The following ACAD11 variants were observed in gnomAD, a reference collection of about 807,000 sequenced individuals.
ACAD11 encodes acyl-CoA dehydrogenase family member 11, also known as acyl-Coenzyme A dehydrogenase family, member 11.
Under a neutral mutation model 102.2 loss-of-function variants are expected in ACAD11, and 83 were observed. The ratio of observed to expected loss-of-function variants is 0.81; its 90% confidence interval spans 0.68 to 0.97. The LOEUF (loss-of-function observed/expected upper bound fraction) is 0.97, where lower values mean the gene tolerates loss of function less well. Ranked by LOEUF, ACAD11 falls within the 50% of genes least tolerant of loss-of-function variation. The pLI is 0.00. For missense variants in ACAD11, 901 were observed against 951.7 expected (o/e 0.95, Z 0.70); for synonymous variants, 324 against 319.8 (o/e 1.01, Z -0.14).
At chr3:132,626,895 A>T in intron 8 of ACAD11, 78 bp from the exon 9 acceptor site, 1 of 1,421,106 alleles carries the variant, frequency 7.0e-7, no homozygotes. Context: ...ATATAATGTG[A>T]AGTTTCCTCA....
intron 7 of ACAD11, among the ~76,000 whole-genome samples, chr3:132,629,268 C>A (rs543467891): frequency 1.3e-5 from 2 of 152,326 alleles, no homozygotes; most frequent in East Asian, 3.9e-4. Context: ...AAGCAATTCT[C>A]CTGCCTCAGC....
At chr3:132,634,607 G>A (rs561955036) in intron 5 of ACAD11, among the ~76,000 whole-genome samples, 21 of 151,800 alleles carry the variant, frequency 1.4e-4, no homozygotes, top group Admixed American at 4.6e-4. Flanking sequence ...ACATGCACAC[G>A]TATGTTTATT....
intron 12 of ACAD11, among the ~76,000 whole-genome samples, chr3:132,604,050 A>AAT (rs1429844245): frequency 6.6e-6 from 1 of 152,176 alleles, no homozygotes; most frequent in Admixed American, 6.5e-5. Flanking sequence ...CTTTGTAGAC[A>AAT]ATACATCCTA....
rs750615740 is a variant in ACAD11, at chr3:132,630,540, T to A, written c.860A>T (p.Glu287Val). 6 of 1,610,516 alleles carry A rather than the reference T, an allele frequency of 3.7e-6. 1 individual carries two copies. The South Asian group carries it at 6.6e-5, about 18-fold the overall frequency. ...GCAGCGGCAATATATTGAAATCAGT[T>A]CTTCCATTGATGGTATCCCTATAAA... ...SENSGIPSMEELISIYCRCRG... is the reference protein window; with the variant it reads ...SENSGIPSMEVLISIYCRCRG... The change falls in exon 7 of 20, where the codon GAA (glutamate) becomes GTA (valine). Residue 287 changes from glutamate to valine, a missense_variant. Glu to Val is a moderately radical substitution (Grantham distance 121). Transcript: ENST00000264990.
intron 12 of ACAD11, 150 bp from the exon 13 acceptor site, chr3:132,603,477 C>A (rs939094871): frequency 3.2e-6 from 2 of 633,426 alleles, no homozygotes; most frequent in Non-Finnish European, 5.5e-6. Flanking sequence ...ATAACCTACA[C>A]ACAGTATTCA....
intron 16 of ACAD11, 101 bp downstream of exon 16, chr3:132,576,843 G>T: frequency 1.2e-6 from 1 of 833,170 alleles, no homozygotes; most frequent in Non-Finnish European, 1.9e-6. Context: ...TCTAAATCAA[G>T]GTAGACTTCA....
chr3:132,638,742 G>T (rs529124510), intron 5 of ACAD11, among the ~76,000 whole-genome samples: 1 of 152,242 alleles, frequency 6.6e-6, no homozygotes, highest in South Asian at 2.1e-4. Flanking sequence ...TAATTATCTA[G>T]ATTATAAATT....
chr3:132,566,233 C>T lies in ACAD11; in HGVS notation c.2002-5016G>A, dbSNP rs144755810. Among the ~76,000 whole-genome samples, 30 of 136,572 alleles carry T rather than the reference C, an allele frequency of 2.2e-4. No individual in the cohort carries two copies. The East Asian group carries it at 6.7e-3, about 30-fold the overall frequency. The allele number at this position is 136,572 out of a possible 152,430, so 89.6% of individuals were successfully genotyped here. On this transcript the variant is annotated intron_variant, in intron 17 of 19. Coordinates refer to ENST00000264990, the MANE Select transcript of ACAD11 (RefSeq NM_032169.5). The stretch of plus-strand genomic sequence containing the variant: ...AACAGAGGGGACAGAGGAAAAAAAT[C>T]AGTGAACTGGAAGATAGGACAATAG...
At chr3:132,586,921 C>T (rs1339138610) in intron 13 of ACAD11, among the ~76,000 whole-genome samples, 8 of 152,176 alleles carry the variant, frequency 5.3e-5, no homozygotes, top group African/African-American at 1.9e-4. Context: ...GGCGAAACCC[C>T]GTCTCTACTA....
chr3:132,566,296 C>CAAAAAAAAAAAAAAAAAAA (rs371477145), intron 17 of ACAD11, among the ~76,000 whole-genome samples: 13 of 61,840 alleles, frequency 2.1e-4, no homozygotes, highest in Admixed American at 3.5e-4. Context: ...AAAACAAACT[C>CAAAAAAAAAAAAAAAAAAA]AAAAAAACAA....
At chr3:132,642,268 C>T (rs1412231356) in intron 3 of ACAD11, 135 bp from the exon 4 acceptor site, 5 of 814,732 alleles carry the variant, frequency 6.1e-6, no homozygotes, top group Non-Finnish European at 9.2e-6. Context: ...AAGGATATGC[C>T]AAGATGAATA....
intron 11 of ACAD11, among the ~76,000 whole-genome samples, chr3:132,610,367 A>C (rs1939079998): frequency 6.6e-6 from 1 of 152,214 alleles, no homozygotes; most frequent in African/African-American, 2.4e-5. Flanking sequence ...AGAAATAACT[A>C]AGATCAGAGC....
chr3:132,649,064 G>A (rs1172483891), intron 1 of ACAD11, among the ~76,000 whole-genome samples: 2 of 152,230 alleles, frequency 1.3e-5, no homozygotes, highest in Admixed American at 6.5e-5. Flanking sequence ...CTCCAGTCTC[G>A]ATAAACCAGG....
intron 7 of ACAD11, among the ~76,000 whole-genome samples, chr3:132,629,605 T>G (rs1163129492): frequency 6.6e-6 from 1 of 152,212 alleles, no homozygotes; most frequent in African/African-American, 2.4e-5. Flanking sequence ...AACCCATTCT[T>G]TTAACATGAT....
In ACAD11 at chr3:132,642,726, C is replaced by T; in HGVS notation, c.326G>A (p.Ser109Asn). ...FPVPKPILYCSDTSVIGTEFY... is the reference protein window; with the variant it reads ...FPVPKPILYCNDTSVIGTEFY... ...TTCTGTTCCAATGACAGAAGTATCA[C>T]TGCAGTACAGTATAGGCTTGGGAAC... Residue 109 changes from serine to asparagine, a missense_variant, in exon 3 of 20, where the codon AGT (serine) becomes AAT (asparagine). By Grantham distance (46) the Ser-to-Asn change is conservative (BLOSUM62 1). Coordinates refer to ENST00000264990, the MANE Select transcript of ACAD11 (RefSeq NM_032169.5). The T allele has an allele frequency of 6.2e-7, 1 of 1,613,256 alleles. No individual in the cohort carries two copies. The highest frequency in any genetic ancestry group is 8.5e-7 in the Non-Finnish European group (1 of 1,179,706).
chr3:132,624,916 C>T (rs1439250324), intron 9 of ACAD11, among the ~76,000 whole-genome samples: 1 of 152,052 alleles, frequency 6.6e-6, no homozygotes, highest in Admixed American at 6.5e-5. Context: ...AACTCCTGGG[C>T]TCAAGCCATC....
Position 132,642,113 on chromosome 3 carries a change from T to G in ACAD11, c.396A>C (p.Leu132Phe). Residue 132 changes from leucine to phenylalanine, a missense_variant, in exon 4 of 20, where the codon TTA becomes TTC. Physicochemically the swap from Leu to Phe is conservative, Grantham distance 22. Transcript: ENST00000264990. The part of the protein sequence containing the change: ...EHVQGRIFRD[L>F]TIPGLSPAER... ...CTGCTGGGCTAAGTCCAGGAATTGT[T>G]AAATCACGGAAGATTCGACCCTATG... The G allele has an allele frequency of 6.2e-7, 1 of 1,613,910 alleles. No individual in the cohort carries two copies. The highest frequency in any genetic ancestry group is 8.5e-7 in the Non-Finnish European group (1 of 1,179,888).
At chr3:132,608,027 T>C (rs189783724) in intron 11 of ACAD11, among the ~76,000 whole-genome samples, 85 of 152,266 alleles carry the variant, frequency 5.6e-4, no homozygotes, top group Non-Finnish European at 1.0e-3. Flanking sequence ...AAACTAAGCT[T>C]CATAAGCGAA....
chr3:132,603,164 T>G, intron 13 of ACAD11, 65 bp downstream of exon 13: 1 of 1,290,128 alleles, frequency 7.8e-7, no homozygotes, highest in Admixed American at 1.7e-5. Flanking sequence ...CATAGCAATA[T>G]TCTAGCATAG....
Sources: allele counts gnomAD v4.1 joint callset (sites outside exome capture counted in the v4.1 genomes callset), GRCh38; gene constraint gnomAD v4.1.1; transcripts MANE v1.5; gene names NCBI Gene and HGNC (gene_info 2026-07-23, HGNC 2026-07-21).